CYFIP2: variants seen among roughly 807,000 people sequenced by gnomAD.
The protein encoded by CYFIP2 is cytoplasmic FMR1-interacting protein 2.
In CYFIP2, 29 loss-of-function variants were observed where a neutral mutation model predicts 158.7. The ratio of observed to expected loss-of-function variants is 0.18; its 90% CI spans 0.14 to 0.25. The LOEUF (loss-of-function observed/expected upper bound fraction) is 0.25, where lower values mean the gene tolerates loss of function less well. Ranked by LOEUF, CYFIP2 falls within the 10% of genes least tolerant of loss-of-function variation. The pLI is 1.00. For synonymous variants in CYFIP2, 585 were observed against 617.6 expected (o/e 0.95, Z 0.78); for missense variants, 852 against 1,639.5 (o/e 0.52, Z 8.29).
In CYFIP2 at chr5:157,319,791, G is replaced by A; in HGVS notation, c.1386G>A (p.Val462=). 1.2e-6 allele frequency: 2 copies of A among 1,614,102 alleles called. No homozygotes were observed. The highest frequency in any genetic ancestry group is 1.7e-6 in the Non-Finnish European group (2 of 1,179,942). Reference sequence around the variant, plus strand: ...TCGCCATGATCAAAGGCCTGCAGGTGCTCATGGGCAGGATGGAGAGCGTCT... The same window carrying A: ...TCGCCATGATCAAAGGCCTGCAGGTACTCATGGGCAGGATGGAGAGCGTCT... ...EVIAMIKGLQ[V]LMGRMESVFN... Residue 462 remains valine (V), a synonymous_variant, in exon 14 of 31, where the codon GTG becomes GTA. Transcript: ENST00000620254.
In CYFIP2 at chr5:157,311,548, T is replaced by C. The variant is rs1272663617; in HGVS notation, c.993-116T>C. ...TCTTGCTGAGGCGGCTGGGATACCA[T>C]TTGGTGTCACCCAGGGGAGTTGGCC... On this transcript the variant is annotated intron_variant, in intron 10 of 30. Transcript: ENST00000620254. The surrounding 1 kb of genome is among the most constrained non-coding windows in gnomAD (Gnocchi z 4.7). 2.5e-6 allele frequency: 2 copies of C among 808,628 alleles called. No individual in the cohort carries two copies. The highest frequency in any genetic ancestry group is 2.0e-6 in the Non-Finnish European group (1 of 503,664). The allele number at this position is 808,628 out of a possible 1,614,324, so 50.1% of individuals were successfully genotyped here.
At chr5:157,313,073 T>G (rs569413415) in intron 11 of CYFIP2, among the ~76,000 whole-genome samples, 21 of 152,302 alleles carry the variant, frequency 1.4e-4, no homozygotes, top group African/African-American at 5.1e-4. Flanking sequence ...CCAAAGATAT[T>G]TTTTAAAATT....
chr5:157,352,561 A>G (rs1260091247), intron 23 of CYFIP2, among the ~76,000 whole-genome samples: 2 of 152,190 alleles, frequency 1.3e-5, no homozygotes, highest in African/African-American at 4.8e-5. Flanking sequence ...GGCAACCAAT[A>G]CATATGGAAT....
Position 157,395,341 on chromosome 5 carries a change from T to C in CYFIP2, c.*2341T>C, listed in dbSNP as rs1767658262. 1 of 296,400 alleles carries C rather than the reference T, an allele frequency of 3.4e-6. No homozygotes were observed. Among genetic ancestry groups the C allele is most frequent in the African/African-American group, 2.3e-5 (1 of 43,842 alleles). The allele number at this position is 296,400 out of a possible 1,614,324, so 18.4% of individuals were successfully genotyped here. A position where few individuals can be genotyped will look rare whatever the true frequency, so the allele number is the denominator to read the frequency against. Reference sequence around the variant, plus strand: ...ATAAAGCTTAGGTTTTAAAAAGTTTTAAAAATAATCTGTTTCAGAAACTGT... The same window carrying C: ...ATAAAGCTTAGGTTTTAAAAAGTTTCAAAAATAATCTGTTTCAGAAACTGT... On this transcript the variant is annotated 3_prime_UTR_variant, in exon 31 of 31. Coordinates refer to ENST00000620254, the MANE Select transcript of CYFIP2 (RefSeq NM_001037333.3).
At chr5:157,312,479 C>T (rs763994305) in intron 11 of CYFIP2, among the ~76,000 whole-genome samples, 21 of 152,122 alleles carry the variant, frequency 1.4e-4, no homozygotes, top group Non-Finnish European at 2.1e-4. Context: ...ATACTCATCC[C>T]ATACGTACCC....
chr5:157,274,601 G>T (rs1255637456), intron 1 of CYFIP2, among the ~76,000 whole-genome samples: 2 of 152,198 alleles, frequency 1.3e-5, no homozygotes, highest in Admixed American at 6.5e-5. Flanking sequence ...GAGTAGAATT[G>T]CTGGGTCAAA....
chr5:157,379,121 T>G (rs1380161076), intron 26 of CYFIP2, among the ~76,000 whole-genome samples: 1 of 152,142 alleles, frequency 6.6e-6, no homozygotes, highest in Non-Finnish European at 1.5e-5. Context: ...ATTAGCAACT[T>G]TAGACAATAC....
At chr5:157,367,281 A>C (rs1764467862) in intron 26 of CYFIP2, among the ~76,000 whole-genome samples, 1 of 152,354 alleles carries the variant, frequency 6.6e-6, no homozygotes, top group African/African-American at 2.4e-5. Context: ...GTTGAACAGC[A>C]TTTCTGGACT....
intron 28 of CYFIP2, chr5:157,384,630 G>A: frequency 2.5e-6 from 1 of 406,636 alleles, no homozygotes; most frequent in South Asian, 1.7e-5. Flanking sequence ...ACCTCCTTCT[G>A]AAAATGGTGA....
intron 3 of CYFIP2, among the ~76,000 whole-genome samples, chr5:157,291,724 T>C (rs528317064): frequency 1.1e-4 from 17 of 152,228 alleles, no homozygotes; most frequent in Non-Finnish European, 2.4e-4. Context: ...AAATTAATCA[T>C]TGAAGTGTGA....
chr5:157,363,429 A>G (rs73815868), intron 26 of CYFIP2: 32,837 of 152,246 alleles, frequency 0.22, 3,925 homozygotes, highest in South Asian at 0.32. Context: ...GGAACGAGCA[A>G]AGTCGTAACA....
intron 21 of CYFIP2, among the ~76,000 whole-genome samples, chr5:157,334,722 C>T (rs536274673): frequency 2.6e-5 from 4 of 151,340 alleles, no homozygotes; most frequent in Admixed American, 1.3e-4. Context: ...TTCAAAAGTG[C>T]GCAGGTCTTG....
intron 2 of CYFIP2, 42 bp from the exon 3 acceptor site, chr5:157,286,977 G>C (rs1561691380): frequency 1.3e-6 from 2 of 1,567,972 alleles, no homozygotes; most frequent in Non-Finnish European, 1.7e-6. Context: ...ACTTGGAACT[G>C]TTTTCTAACA....
chr5:157,303,380 A>G (rs1758939735), intron 7 of CYFIP2, among the ~76,000 whole-genome samples: 1 of 152,254 alleles, frequency 6.6e-6, no homozygotes, highest in Non-Finnish European at 1.5e-5. Flanking sequence ...CTAGGAAGAC[A>G]TAGCTGTTAT....
chr5:157,309,385 C>T (rs1277438635), intron 9 of CYFIP2, among the ~76,000 whole-genome samples: 1 of 152,232 alleles, frequency 6.6e-6, no homozygotes, highest in African/African-American at 2.4e-5. Context: ...GAAATCATAA[C>T]AGCAAGGATG....
At chr5:157,322,171 G>A (rs1044888592) in intron 15 of CYFIP2, among the ~76,000 whole-genome samples, 2 of 152,164 alleles carry the variant, frequency 1.3e-5, no homozygotes, top group Admixed American at 6.5e-5. Flanking sequence ...AGCTGGGAGC[G>A]CTATTAGAGA....
intron 28 of CYFIP2, among the ~76,000 whole-genome samples, chr5:157,387,046 TGTA>T (rs1026883848): frequency 7.9e-5 from 12 of 152,052 alleles, no homozygotes; most frequent in African/African-American, 2.9e-4. Flanking sequence ...GACCATTAAA[TGTA>T]GTCATTCCTT....
chr5:157,330,885 G>C, intron 20 of CYFIP2, 35 bp downstream of exon 20: 1 of 1,517,918 alleles, frequency 6.6e-7, no homozygotes, highest in South Asian at 1.1e-5. Flanking sequence ...GAGATGGAAG[G>C]GGCAGGAGAG....
chr5:157,314,519 C>A, intron 12 of CYFIP2, 56 bp downstream of exon 12: 1 of 1,583,774 alleles, frequency 6.3e-7, no homozygotes, highest in South Asian at 1.1e-5. Context: ...TGGAATCTGC[C>A]TCCATCTCCC....
Sources: gnomAD v4.1 joint callset for allele counts (sites outside exome capture counted in the v4.1 genomes callset) on GRCh38, gnomAD v4.1.1 for gene constraint, Gnocchi (gnomAD v3.1) non-coding constraint, MANE v1.5 for transcripts, NCBI Gene and HGNC (gene_info 2026-07-23, HGNC 2026-07-21) for gene names.